Variants in MAP2K5 observed in about 807,000 individuals in gnomAD.
The protein encoded by MAP2K5 is dual specificity mitogen-activated protein kinase kinase 5.
Under a neutral mutation model 83.1 loss-of-function variants are expected in MAP2K5, and 49 were observed. That is an observed-to-expected ratio of 0.59 (90% CI 0.47 to 0.75). The LOEUF (loss-of-function observed/expected upper bound fraction) is 0.75. MAP2K5 is among the 30% of genes least tolerant of loss of function. The pLI, the probability that MAP2K5 is intolerant of heterozygous loss-of-function variation, is 0.00. For synonymous variants in MAP2K5, 202 were observed against 191.8 expected, an observed-to-expected ratio of 1.05 and a Z score of -0.44; for missense variants, 457 against 557.5, an observed-to-expected ratio of 0.82 and a Z score of 1.82.
Position 67,768,983 on chromosome 15 carries a change from G to A in MAP2K5, c.1135-619G>A, listed in dbSNP as rs1488646688. On this transcript the variant is annotated intron_variant, in intron 19 of 21. Transcript: ENST00000178640. This position sits in a 1 kb window ranked among gnomAD's most constrained non-coding sequence, Gnocchi z 4.0. ...CCTAGTTTTGGTTGGTGGTCAAGTT[G>A]GGAGTTTTTCATTGTATCCTTAATT... Among the ~76,000 whole-genome samples, 2 of 152,112 alleles carry A rather than the reference G, an allele frequency of 1.3e-5. No individual in the cohort carries two copies. The highest frequency in any genetic ancestry group is 2.9e-5 in the Non-Finnish European group (2 of 68,020).
At position 67,563,108 on chromosome 15, in the gene MAP2K5, A is replaced by G. The variant is rs769093351; in HGVS notation, c.185-175A>G. Among the ~76,000 whole-genome samples, 48 of 152,162 alleles carry G rather than the reference A, an allele frequency of 3.2e-4. No individual in the cohort carries two copies. The highest frequency in any genetic ancestry group is 6.3e-4 in the Non-Finnish European group (43 of 68,020). On this transcript the variant is annotated intron_variant, in intron 2 of 21. Coordinates refer to ENST00000178640, the MANE Select transcript of MAP2K5 (RefSeq NM_145160.3). The surrounding 1 kb of genome is among the most constrained non-coding windows in gnomAD (Gnocchi z 4.5). The stretch of plus-strand genomic sequence containing the variant: ...CCCTAAAAGAAAGTTTTATATTGAG[A>G]TTCTGATCATATTCCAAATGGAAAA...
At chr15:67,580,945 A>G (rs1482305493) in intron 4 of MAP2K5, 122 bp downstream of exon 4, 1 of 688,298 alleles carries the variant, frequency 1.5e-6, no homozygotes. Context: ...GAAAAACAAA[A>G]GAAGTATTCA....
chr15:67,718,750 C>T lies in MAP2K5; in HGVS notation c.1045-9166C>T, dbSNP rs147906608. ...CTGCACTCCAGCTTGGGTGACAGAG[C>T]GAGACTCCATCTCAAAAAATATTTT... On this transcript the variant is annotated intron_variant, in intron 16 of 21. Transcript: ENST00000178640. 5.9e-3 allele frequency among the ~76,000 whole-genome samples: 900 copies of T among 152,064 alleles called. 5 individuals carry two copies. Among genetic ancestry groups the T allele is most frequent in the African/African-American group, 0.02 (837 of 41,482 alleles).
chr15:67,589,379 C>T (rs2085351373), intron 6 of MAP2K5, among the ~76,000 whole-genome samples: 1 of 152,092 alleles, frequency 6.6e-6, no homozygotes. Flanking sequence ...AGGTGAATAA[C>T]TGTTTATTAA....
intron 9 of MAP2K5, chr15:67,641,655 C>T: frequency 1.0e-6 from 1 of 979,622 alleles, no homozygotes; most frequent in South Asian, 4.7e-5. Flanking sequence ...GGAAATGCAC[C>T]AAGGTATTTC....
intron 16 of MAP2K5, among the ~76,000 whole-genome samples, chr15:67,725,757 C>A (rs978910860): frequency 3.3e-5 from 5 of 152,200 alleles, no homozygotes; most frequent in African/African-American, 1.2e-4. Context: ...TGTTAAGACA[C>A]TGCAGACTGT....
chr15:67,786,486 CCTA>C lies in MAP2K5; in HGVS notation c.1242+13735_1242+13737del, dbSNP rs1380226569. 1.6e-5 allele frequency among the ~76,000 whole-genome samples: 2 copies of C among 127,370 alleles called. No individual in the cohort carries two copies. The highest frequency in any genetic ancestry group is 5.2e-5 in the African/African-American group (2 of 38,394). 83.6% of individuals were successfully genotyped at this position (127,370 alleles called of 152,430 possible). A position where few individuals can be genotyped will look rare whatever the true frequency, so the allele number is the denominator to read the frequency against. On this transcript the variant is annotated intron_variant, in intron 21 of 21. Transcript: ENST00000178640. This position sits in a 1 kb window ranked among gnomAD's most constrained non-coding sequence, Gnocchi z 4.7. ...GGGTTCAGAAAGAATATAAGAAAGA[CCTA>C]TGTCTCAGGAGCAGACTAGACATGC... is the stretch of plus-strand genomic sequence containing the variant.
In MAP2K5 at chr15:67,724,722, AGCTGCATTAG is replaced by A. The variant is rs1336063235; in HGVS notation, c.1045-3193_1045-3184del. ...AAATAGTGTGGAACATAAACACTGT[AGCTGCATTAG>A]ACCTAGAGGGATAGAGGCATACATA... On this transcript the variant is annotated intron_variant, in intron 16 of 21. Transcript: ENST00000178640. This position sits in a 1 kb window ranked among gnomAD's most constrained non-coding sequence, Gnocchi z 4.4. Among the ~76,000 whole-genome samples the A allele has an allele frequency of 2.6e-5, 4 of 152,220 alleles. No homozygotes were observed. The highest frequency in any genetic ancestry group is 9.6e-5 in the African/African-American group (4 of 41,452).
Position 67,563,226 on chromosome 15 carries a change from C to A in MAP2K5, c.185-57C>A. 1.3e-6 allele frequency: 2 copies of A among 1,575,938 alleles called. No individual in the cohort carries two copies. The highest frequency in any genetic ancestry group is 1.2e-5 in the South Asian group (1 of 84,940). On this transcript the variant is annotated intron_variant, in intron 2 of 21. Coordinates refer to ENST00000178640, the MANE Select transcript of MAP2K5 (RefSeq NM_145160.3). This position sits in a 1 kb window ranked among gnomAD's most constrained non-coding sequence, Gnocchi z 4.5. ...GTAATAAACCGTTTATATTATGTTC[C>A]CTTTGTGCATTAAACAAATGCACAC...
At position 67,790,819 on chromosome 15, in the gene MAP2K5, A is replaced by G. The variant is rs1241880342; in HGVS notation, c.1243-15827A>G. Among the ~76,000 whole-genome samples the G allele has an allele frequency of 1.3e-5, 2 of 152,324 alleles. No individual in the cohort carries two copies. The highest frequency in any genetic ancestry group is 3.4e-3 in the Middle Eastern group (1 of 294). Reference sequence around the variant, plus strand: ...ATAAAAGTTTCCTTAGAAAAGGAGTATGATAAGTACTGCAAAATTTAGGCC... The same window carrying G: ...ATAAAAGTTTCCTTAGAAAAGGAGTGTGATAAGTACTGCAAAATTTAGGCC... On this transcript the variant is annotated intron_variant, in intron 21 of 21. Coordinates refer to ENST00000178640, the MANE Select transcript of MAP2K5 (RefSeq NM_145160.3). This position sits in a 1 kb window ranked among gnomAD's most constrained non-coding sequence, Gnocchi z 4.6.
chr15:67,743,172 C>T (rs985741813), intron 17 of MAP2K5, among the ~76,000 whole-genome samples: 2 of 152,204 alleles, frequency 1.3e-5, no homozygotes, highest in East Asian at 1.9e-4. Flanking sequence ...ACTGGTCACT[C>T]CTGAATACAG....
chr15:67,642,302 C>T (rs557093527), intron 9 of MAP2K5: 2 of 620,314 alleles, frequency 3.2e-6, no homozygotes, highest in East Asian at 2.9e-5. Flanking sequence ...TTACTAGGCA[C>T]TACTGTGAGT....
At position 67,677,346 on chromosome 15, in the gene MAP2K5, C is replaced by T. The variant is rs2087706672; in HGVS notation, c.847+12701C>T. ...CTGTAAAATGGGGTTAATAATAGTA[C>T]CTATCTCAAGGGTTACAATGAGAAT... is the stretch of plus-strand genomic sequence containing the variant. On this transcript the variant is annotated intron_variant, in intron 13 of 21. Transcript: ENST00000178640. This position sits in a 1 kb window ranked among gnomAD's most constrained non-coding sequence, Gnocchi z 4.2. 1.3e-5 allele frequency among the ~76,000 whole-genome samples: 2 copies of T among 152,094 alleles called. No homozygotes were observed. Among genetic ancestry groups the T allele is most frequent in the African/African-American group, 4.8e-5 (2 of 41,398 alleles).
At chr15:67,576,107 G>A (rs1294775886) in intron 3 of MAP2K5, among the ~76,000 whole-genome samples, 9 of 145,368 alleles carry the variant, frequency 6.2e-5, no homozygotes, top group African/African-American at 2.2e-4. Flanking sequence ...AGTAGAGACA[G>A]GATTTAACCA....
rs80252004 is a variant in MAP2K5 at position 67,664,727 on chromosome 15, T to A, written c.847+82T>A. The A allele has an allele frequency of 4.4e-3, 3,822 of 878,222 alleles. 90 individuals are homozygous for A. The East Asian group carries it at 0.06, about 14-fold the overall frequency. 54.4% of individuals were successfully genotyped at this position (878,222 alleles called of 1,614,324 possible). A position where few individuals can be genotyped will look rare whatever the true frequency, so the allele number is the denominator to read the frequency against. ...GATACCTTGATTTTTAAAGTAAGTG[T>A]TCTGACATTTAAGCCAGCTGATACA... On this transcript the variant is annotated intron_variant, in intron 13 of 21. Coordinates refer to ENST00000178640, the MANE Select transcript of MAP2K5 (RefSeq NM_145160.3).
intron 15 of MAP2K5, among the ~76,000 whole-genome samples, chr15:67,697,371 A>T (rs1347451330): frequency 2.6e-5 from 4 of 152,220 alleles, no homozygotes; most frequent in Non-Finnish European, 5.9e-5. Context: ...CATTTTAGAG[A>T]TAAAGAAACT....
chr15:67,679,515 T>C (rs979682659), intron 13 of MAP2K5, among the ~76,000 whole-genome samples: 7 of 152,224 alleles, frequency 4.6e-5, no homozygotes, highest in African/African-American at 1.4e-4. Context: ...GACATAGCCT[T>C]ACTCATTTCT....
chr15:67,671,648 G>GTTTT (rs879340541), intron 13 of MAP2K5, among the ~76,000 whole-genome samples: 1 of 148,294 alleles, frequency 6.7e-6, no homozygotes, highest in East Asian at 2.0e-4. Context: ...GCAAGAACAC[G>GTTTT]TTTTTTTTTC....
Position 67,573,054 on chromosome 15 carries a change from A to G in MAP2K5, c.253-7700A>G, listed in dbSNP as rs1157996041. Among the ~76,000 whole-genome samples, 1 of 152,140 alleles carries G rather than the reference A, an allele frequency of 6.6e-6. No individual in the cohort carries two copies. Among genetic ancestry groups the G allele is most frequent in the East Asian group, 1.9e-4 (1 of 5,186 alleles). On this transcript the variant is annotated intron_variant, in intron 3 of 21. Coordinates refer to ENST00000178640, the MANE Select transcript of MAP2K5 (RefSeq NM_145160.3). This position sits in a 1 kb window ranked among gnomAD's most constrained non-coding sequence, Gnocchi z 4.2. ...GCTTCTGTTTTCAAGATATTAGGGTATCAGGACATTCCTGAACCTGGGTAT... is the reference window on the plus strand; with the variant it reads ...GCTTCTGTTTTCAAGATATTAGGGTGTCAGGACATTCCTGAACCTGGGTAT...
Sources: allele counts gnomAD v4.1 joint callset (sites outside exome capture counted in the v4.1 genomes callset), GRCh38; gene constraint gnomAD v4.1.1; non-coding constraint Gnocchi (gnomAD v3.1); transcripts MANE v1.5; gene names NCBI Gene and HGNC (gene_info 2026-07-23, HGNC 2026-07-21).